Variants in ITGAX observed in about 807,000 individuals in gnomAD.
The protein encoded by ITGAX is integrin subunit alpha X.
ITGAX carries 99 observed loss-of-function variants against 140.2 expected under a neutral mutation model. That is an observed-to-expected ratio of 0.71 (90% CI 0.60 to 0.83). ITGAX has a LOEUF of 0.83. Ranked by LOEUF, ITGAX falls within the 40% of genes least tolerant of loss-of-function variation. The pLI, the probability that ITGAX is intolerant of heterozygous loss-of-function variation, is 0.00. For synonymous variants in ITGAX, 631 were observed against 600.4 expected, an observed-to-expected ratio of 1.05 and a Z score of -0.75; for missense variants, 1,444 against 1,482.0, an observed-to-expected ratio of 0.97 and a Z score of 0.42.
chr16:31,380,085 G>T lies in ITGAX; in HGVS notation c.3060+20G>T. 1 of 1,607,456 alleles carries T rather than the reference G, an allele frequency of 6.2e-7. No homozygotes were observed. Among genetic ancestry groups the T allele is most frequent in the Non-Finnish European group, 8.5e-7 (1 of 1,174,124 alleles). The stretch of plus-strand genomic sequence containing the variant: ...GTGCTGGTGAGGAGGGCTCTGGGCT[G>T]GCCCTCACTGTAGGCCCCACATCAG... On this transcript the variant is annotated intron_variant, in intron 26 of 29. Coordinates refer to ENST00000268296, the MANE Select transcript of ITGAX (RefSeq NM_000887.5).
intron 22 of ITGAX, 31 bp downstream of exon 22, chr16:31,377,110 C>T (rs2142526874): frequency 6.2e-7 from 1 of 1,613,042 alleles, no homozygotes; most frequent in East Asian, 2.2e-5. Flanking sequence ...GGCAGTGCCC[C>T]TCATCTCCAG....
At chr16:31,369,308 TC>T (rs2080930612) in intron 14 of ITGAX, among the ~76,000 whole-genome samples, 1 of 111,884 alleles carries the variant, frequency 8.9e-6, no homozygotes, top group Non-Finnish European at 1.9e-5. Flanking sequence ...CCCACCTCCC[TC>T]CCGGACGGGG....
intron 29 of ITGAX, among the ~76,000 whole-genome samples, chr16:31,381,361 C>A (rs2081067386): frequency 1.3e-5 from 2 of 152,096 alleles, no homozygotes; most frequent in Non-Finnish European, 2.9e-5. Flanking sequence ...GCCTTGATTT[C>A]TCAATGTGAA....
chr16:31,379,726 G>A (rs374886554), intron 24 of ITGAX, 31 bp from the exon 25 acceptor site: 86 of 1,605,516 alleles, frequency 5.4e-5, no homozygotes, highest in South Asian at 3.3e-4. Flanking sequence ...GGGCTTTGGC[G>A]TGGGCTCTGC....
intron 8 of ITGAX, 96 bp from the exon 9 acceptor site, chr16:31,360,967 T>G: frequency 8.4e-7 from 1 of 1,193,828 alleles, no homozygotes; most frequent in Non-Finnish European, 1.2e-6. Flanking sequence ...GGTGTGATCA[T>G]GTTGATCTTG....
intron 7 of ITGAX, 47 bp downstream of exon 7, chr16:31,360,112 T>A (rs759147494): frequency 3.1e-6 from 5 of 1,602,066 alleles, no homozygotes; most frequent in Non-Finnish European, 4.2e-6. Context: ...ACCCAGGTCT[T>A]CCCTTGGGCC....
Position 31,362,999 on chromosome 16 carries a change from TG to T in ITGAX, c.1426del (p.Val476SerfsTer50), listed in dbSNP as rs1341128948. 1 of 1,601,662 alleles carries T rather than the reference TG, an allele frequency of 6.2e-7. No individual in the cohort carries two copies. The highest frequency in any genetic ancestry group is 1.4e-5 in the African/African-American group (1 of 73,622). On this transcript the variant is annotated frameshift_variant, in exon 13 of 30. Transcript: ENST00000268296. LOFTEE classifies it high-confidence loss of function. Reference sequence around the variant, plus strand: ...GTAGACAGCGACGGCAGCACCGACCTGGTCCTCATCGGGGCCCCCCATTACT... The same window carrying T: ...GTAGACAGCGACGGCAGCACCGACCTGTCCTCATCGGGGCCCCCCATTACT... ...VDVDSDGSTD[L>X]VLIGAPHYYE...
At chr16:31,378,901 C>T (rs757897890) in intron 23 of ITGAX, among the ~76,000 whole-genome samples, 38 of 151,808 alleles carry the variant, frequency 2.5e-4, no homozygotes, top group African/African-American at 8.5e-4. Flanking sequence ...CTGCAACCTC[C>T]GCCTCCTGGC....
In ITGAX at chr16:31,379,609, A is replaced by G; in HGVS notation, c.2831A>G (p.Glu944Gly). 1 of 1,563,234 alleles carries G rather than the reference A, an allele frequency of 6.4e-7. No individual in the cohort carries two copies. Among genetic ancestry groups the G allele is most frequent in the South Asian group, 1.2e-5 (1 of 84,982 alleles). ...FTKYLNFSES[E>G]EKESHVAMHR... Reference sequence around the variant, plus strand: ...AAATACCTCAACTTCTCAGAGTCTGAGGAGAAGGAAAGCCATGTGGCCATG... The same window carrying G: ...AAATACCTCAACTTCTCAGAGTCTGGGGAGAAGGAAAGCCATGTGGCCATG... The change falls in exon 24 of 30, where the codon GAG becomes GGG. Residue 944 changes from glutamate (E) to glycine (G), a missense_variant. Transcript: ENST00000268296.
At position 31,362,761 on chromosome 16, in the gene ITGAX, G is replaced by T. The variant is rs777684730; in HGVS notation, c.1359+8G>T. 6.2e-7 allele frequency: 1 copy of T among 1,613,698 alleles called. No homozygotes were observed. Among genetic ancestry groups the T allele is most frequent in the Non-Finnish European group, 8.5e-7 (1 of 1,179,770 alleles). The stretch of plus-strand genomic sequence containing the variant: ...GAAGTCACGGGGACTCAGGTTGGGC[G>T]TGACAGGAGCCAGAGGGGAGGATGA... On this transcript the variant is annotated splice_region_variant and intron_variant, in intron 12 of 29. Coordinates refer to ENST00000268296, the MANE Select transcript of ITGAX (RefSeq NM_000887.5).
intron 14 of ITGAX, among the ~76,000 whole-genome samples, chr16:31,368,074 A>T (rs555285608): frequency 6.6e-6 from 1 of 151,876 alleles, no homozygotes; most frequent in African/African-American, 2.4e-5. Context: ...TTAGAAGTGG[A>T]GCCTGAATTG....
intron 8 of ITGAX, 63 bp from the exon 9 acceptor site, chr16:31,361,000 A>G (rs2080818527): frequency 1.3e-6 from 2 of 1,502,114 alleles, no homozygotes; most frequent in African/African-American, 1.4e-5. Flanking sequence ...AAGATGTTGC[A>G]CCCAGTGCAC....
chr16:31,359,841 G>A lies in ITGAX; in HGVS notation c.561+11G>A. ...AGACCCAGCACCCAGGTGTGCCTTT[G>A]GGGGAGGGAGGCTGCTGGGGGTGGG... is the stretch of plus-strand genomic sequence containing the variant. On this transcript the variant is annotated intron_variant, in intron 6 of 29. Coordinates refer to ENST00000268296, the MANE Select transcript of ITGAX (RefSeq NM_000887.5). 1.2e-6 allele frequency: 2 copies of A among 1,614,092 alleles called. No individual in the cohort carries two copies. The highest frequency in any genetic ancestry group is 1.7e-6 in the Non-Finnish European group (2 of 1,179,998).
chr16:31,356,397 T>C, intron 2 of ITGAX: 1 of 500,496 alleles, frequency 2.0e-6, no homozygotes, highest in South Asian at 2.5e-5. Flanking sequence ...CCCAAAGTGC[T>C]GGGATTCCAG....
chr16:31,373,205 T>A, intron 19 of ITGAX, 44 bp from the exon 20 acceptor site: 1 of 1,351,078 alleles, frequency 7.4e-7, no homozygotes, highest in Non-Finnish European at 1.0e-6. Flanking sequence ...ATTTCTAGCC[T>A]CAGTCACAGA....
chr16:31,373,101 AAAG>A (rs146920512), intron 19 of ITGAX, 145 bp from the exon 20 acceptor site: 121,153 of 475,516 alleles, frequency 0.25, 19,737 homozygotes, highest in East Asian at 0.87. Context: ...TCTTAAAAAA[AAAG>A]AAGAAGAAGA....
At chr16:31,371,266 G>C (rs773828620) in intron 15 of ITGAX, 52 bp downstream of exon 15, 1 of 1,606,626 alleles carries the variant, frequency 6.2e-7, no homozygotes, top group East Asian at 2.2e-5. Context: ...GTTCAGATGG[G>C]GGTGCCCACC....
intron 24 of ITGAX, 47 bp from the exon 25 acceptor site, chr16:31,379,710 G>A: frequency 6.3e-7 from 1 of 1,596,086 alleles, no homozygotes; most frequent in Non-Finnish European, 8.5e-7. Context: ...GACTGGGGAG[G>A]GATTTGGGCT....
rs969235131 is a variant in ITGAX at position 31,362,858 on chromosome 16, C to T, written c.1360-77C>T. On this transcript the variant is annotated intron_variant, in intron 12 of 29. Transcript: ENST00000268296. Reference sequence around the variant, plus strand: ...AGGGCCTTGGGGGAGGTCCTGGTACCTGGGGAGAGGTGGGACCTGGCCCAC... The same window carrying T: ...AGGGCCTTGGGGGAGGTCCTGGTACTTGGGGAGAGGTGGGACCTGGCCCAC... 2.5e-6 allele frequency: 4 copies of T among 1,606,380 alleles called. No individual in the cohort carries two copies. In the African/African-American group the frequency reaches 5.4e-5, roughly 22 times the overall value.
Sources: allele counts gnomAD v4.1 joint callset (sites outside exome capture counted in the v4.1 genomes callset), GRCh38; gene constraint gnomAD v4.1.1; transcripts MANE v1.5; gene names NCBI Gene and HGNC (gene_info 2026-07-23, HGNC 2026-07-21).